CMSS1: variants seen among roughly 807,000 people sequenced by gnomAD.
The protein encoded by CMSS1 is cms1 ribosomal small subunit homolog.
Under a neutral mutation model 43.5 loss-of-function variants are expected in CMSS1, and 33 were observed. The observed-to-expected ratio is 0.76, with a 90% CI of 0.57 to 1.01. The LOEUF is 1.01. Ranked by LOEUF, CMSS1 falls within the 50% of genes least tolerant of loss-of-function variation. CMSS1 has a pLI of 0.00. For synonymous variants in CMSS1, 115 were observed against 117.2 expected (o/e 0.98, Z 0.12); for missense variants, 313 against 326.4 (o/e 0.96, Z 0.32).
intron 1 of CMSS1, among the ~76,000 whole-genome samples, chr3:99,834,925 T>C (rs1942834981): frequency 6.6e-6 from 1 of 152,212 alleles, no homozygotes; most frequent in Non-Finnish European, 1.5e-5. Context: ...TAAGTTTTCT[T>C]TGGGGAGTAG....
chr3:100,018,693 T>C (rs1425701080), intron 1 of CMSS1, among the ~76,000 whole-genome samples: 5 of 131,752 alleles, frequency 3.8e-5, no homozygotes, highest in East Asian at 2.2e-4. Context: ...AAAGCAAGAA[T>C]AGATGAATGA....
intron 1 of CMSS1, among the ~76,000 whole-genome samples, chr3:99,905,426 A>C (rs1027305811): frequency 6.6e-6 from 1 of 152,194 alleles, no homozygotes; most frequent in Non-Finnish European, 1.5e-5. Flanking sequence ...TCTTCTTGTC[A>C]TCAGGGCCCA....
At chr3:100,057,864 C>T (rs1352765072) in intron 1 of CMSS1, among the ~76,000 whole-genome samples, 1 of 152,182 alleles carries the variant, frequency 6.6e-6, no homozygotes, top group Non-Finnish European at 1.5e-5. Flanking sequence ...ACTGTGAATA[C>T]AATGCCGGTC....
chr3:99,907,876 C>T (rs1212879552), intron 1 of CMSS1, among the ~76,000 whole-genome samples: 2 of 152,216 alleles, frequency 1.3e-5, no homozygotes, highest in Non-Finnish European at 2.9e-5. Flanking sequence ...GAATGCTTTT[C>T]TCCTCCTGAG....
chr3:100,165,781 G>T (rs945452560), intron 4 of CMSS1, among the ~76,000 whole-genome samples: 2 of 152,118 alleles, frequency 1.3e-5, no homozygotes, highest in African/African-American at 4.8e-5. Context: ...GAATTGAAAT[G>T]ATAGAATTAT....
intron 6 of CMSS1, 21 bp from the exon 7 acceptor site, chr3:100,171,818 T>A: frequency 6.2e-7 from 1 of 1,610,688 alleles, no homozygotes; most frequent in Non-Finnish European, 8.5e-7. Flanking sequence ...TCTTAAGCAT[T>A]CACCTGCTTC....
chr3:99,915,266 AC>A (rs1297313737), intron 1 of CMSS1, among the ~76,000 whole-genome samples: 1 of 152,222 alleles, frequency 6.6e-6, no homozygotes, highest in African/African-American at 2.4e-5. Flanking sequence ...AATGTAGCCA[AC>A]TTTTCCTACA....
At chr3:99,897,693 G>A (rs1706303585) in intron 1 of CMSS1, among the ~76,000 whole-genome samples, 2 of 152,110 alleles carry the variant, frequency 1.3e-5, no homozygotes, top group South Asian at 4.1e-4. Flanking sequence ...AAGCAATGAG[G>A]TTCTGAGCTG....
chr3:100,172,190 C>A, intron 7 of CMSS1, 126 bp from the exon 8 acceptor site: 1 of 814,014 alleles, frequency 1.2e-6, no homozygotes. Context: ...TGGAAGTCGA[C>A]CCTACACAAG....
chr3:100,005,636 C>T (rs1163238150), intron 1 of CMSS1, among the ~76,000 whole-genome samples: 1 of 152,076 alleles, frequency 6.6e-6, no homozygotes, highest in Non-Finnish European at 1.5e-5. Context: ...AAAATATAGC[C>T]AGAAATATTT....
At chr3:99,833,261 C>A in intron 1 of CMSS1, 2 of 1,610,886 alleles carry the variant, frequency 1.2e-6, no homozygotes, top group Non-Finnish European at 1.7e-6. Flanking sequence ...AGTGGTTCCA[C>A]CTAGGGAGCA....
chr3:99,837,807 TTC>T (rs1942962768), intron 1 of CMSS1, among the ~76,000 whole-genome samples: 1 of 152,228 alleles, frequency 6.6e-6, no homozygotes, highest in African/African-American at 2.4e-5. Flanking sequence ...TGGGAAAATT[TTC>T]TGTTTCTGCA....
intron 1 of CMSS1, among the ~76,000 whole-genome samples, chr3:99,861,677 C>T (rs978003426): frequency 6.6e-6 from 1 of 152,154 alleles, no homozygotes; most frequent in Non-Finnish European, 1.5e-5. Flanking sequence ...CAAGAGATTG[C>T]AGTAAACAGT....
chr3:100,120,647 C>G (rs1197869302), intron 1 of CMSS1, among the ~76,000 whole-genome samples: 1 of 151,854 alleles, frequency 6.6e-6, no homozygotes, highest in Non-Finnish European at 1.5e-5. Flanking sequence ...CGCTCAGGAA[C>G]TCATAGTCTA....
intron 1 of CMSS1, among the ~76,000 whole-genome samples, chr3:99,828,780 C>A (rs906058599): frequency 6.6e-6 from 1 of 151,930 alleles, no homozygotes. Flanking sequence ...TAGTCCATCC[C>A]CTTCTACTAT....
At chr3:99,959,503 G>T (rs1294210628) in intron 1 of CMSS1, among the ~76,000 whole-genome samples, 3 of 152,080 alleles carry the variant, frequency 2.0e-5, no homozygotes, top group African/African-American at 7.2e-5. Flanking sequence ...AAAAAGAAGA[G>T]GAATTAAGTC....
chr3:99,908,498 G>A (rs949818755), intron 1 of CMSS1, among the ~76,000 whole-genome samples: 3 of 152,186 alleles, frequency 2.0e-5, no homozygotes, highest in Non-Finnish European at 4.4e-5. Flanking sequence ...GTCTCCCCAG[G>A]CAATAATGAT....
chr3:99,930,922 A>C (rs376871388), intron 1 of CMSS1: 2 of 1,613,554 alleles, frequency 1.2e-6, no homozygotes, highest in Non-Finnish European at 1.7e-6. Flanking sequence ...CTTGCTGTCT[A>C]TGCTTCATGT....
intron 1 of CMSS1, among the ~76,000 whole-genome samples, chr3:100,128,655 C>G (rs1040484394): frequency 6.6e-6 from 1 of 152,294 alleles, no homozygotes; most frequent in Admixed American, 6.5e-5. Flanking sequence ...AAACCCACCC[C>G]ACTCCCCACA....
Sources: allele counts gnomAD v4.1 joint callset (sites outside exome capture counted in the v4.1 genomes callset), GRCh38; gene constraint gnomAD v4.1.1; transcripts MANE v1.5; gene names NCBI Gene and HGNC (gene_info 2026-07-23, HGNC 2026-07-21).